CELA2A: variants seen among roughly 807,000 people sequenced by gnomAD.
CELA2A encodes chymotrypsin-like elastase family member 2A.
In CELA2A, 31 loss-of-function variants were observed where a neutral mutation model predicts 35.3. The observed-to-expected ratio is 0.88, with a 90% confidence interval of 0.66 to 1.19. The LOEUF is 1.19. CELA2A is among the 50% of genes most tolerant of loss of function. The pLI is 0.00. For missense variants in CELA2A, 330 were observed against 352.9 expected, an observed-to-expected ratio of 0.94 and a Z score of 0.52; for synonymous variants, 150 against 149.8, an observed-to-expected ratio of 1.00 and a Z score of -0.01.
chr1:15,457,149 C>T lies in CELA2A; in HGVS notation c.104C>T (p.Ala35Val), dbSNP rs147042451. Residue 35 changes from alanine to valine, a missense_variant, in exon 2 of 8, where the codon GCG becomes GTG. Physicochemically the swap from Ala to Val is moderately conservative, Grantham distance 64. Coordinates refer to ENST00000359621, the MANE Select transcript of CELA2A (RefSeq NM_033440.3). ...ACTAGGGTGGTTGGCGGTGAAGAAG[C>T]GAGGCCCAACAGCTGGCCCTGGCAG... is the stretch of plus-strand genomic sequence containing the variant. ...YVTRVVGGEEARPNSWPWQVS... is the reference protein window; with the variant it reads ...YVTRVVGGEEVRPNSWPWQVS... 44 of 1,614,154 alleles carry T rather than the reference C, an allele frequency of 2.7e-5. No homozygotes were observed. In the East Asian group the frequency reaches 3.1e-4, roughly 11 times the overall value.
chr1:15,463,470 C>T lies in CELA2A; in HGVS notation c.441C>T (p.Thr147=). Residue 147 remains threonine (T), a synonymous_variant, in exon 5 of 8, where the codon ACC becomes ACT. Transcript: ENST00000359621. ...IQLACLPPAG[T]ILPNNYPCYV... is the part of the protein sequence containing the mutation. ...TGGCCTGCCTCCCTCCTGCCGGCAC[C>T]ATTCTACCCAACAACTACCCCTGCT... The T allele has an allele frequency of 2.5e-6, 4 of 1,614,054 alleles. No individual in the cohort carries two copies. The highest frequency in any genetic ancestry group is 3.4e-6 in the Non-Finnish European group (4 of 1,179,960).
chr1:15,469,192 C>A (rs1708559870), intron 7 of CELA2A, among the ~76,000 whole-genome samples: 1 of 151,946 alleles, frequency 6.6e-6, no homozygotes, highest in Non-Finnish European at 1.5e-5. Context: ...GAAAAAAAAA[C>A]ACACAAAAAA....
intron 7 of CELA2A, among the ~76,000 whole-genome samples, chr1:15,470,239 G>T (rs913454491): frequency 6.6e-6 from 1 of 152,178 alleles, no homozygotes; most frequent in African/African-American, 2.4e-5. Flanking sequence ...CAGGGACACA[G>T]TGTGTGCAGC....
At chr1:15,463,750 T>C (rs1373095094) in intron 5 of CELA2A, among the ~76,000 whole-genome samples, 9 of 152,252 alleles carry the variant, frequency 5.9e-5, no homozygotes, top group Admixed American at 1.3e-4. Flanking sequence ...TTTTTTCATC[T>C]GTAAAATGCA....
intron 4 of CELA2A, chr1:15,463,097 C>G: frequency 1.4e-6 from 1 of 731,460 alleles, no homozygotes; most frequent in Non-Finnish European, 2.2e-6. Context: ...CCAGTTACAC[C>G]TGCAGGGCCC....
intron 5 of CELA2A, 110 bp from the exon 6 acceptor site, chr1:15,465,889 A>G: frequency 7.7e-7 from 1 of 1,297,600 alleles, no homozygotes; most frequent in Non-Finnish European, 1.1e-6. Context: ...GGCTGTTCGC[A>G]TGTTGCAATG....
At chr1:15,470,846 G>A (rs1343749285) in intron 7 of CELA2A, among the ~76,000 whole-genome samples, 4 of 152,150 alleles carry the variant, frequency 2.6e-5, no homozygotes, top group Non-Finnish European at 5.9e-5. Flanking sequence ...CTCCAAAAGT[G>A]CTGGGATTAC....
chr1:15,467,730 G>A (rs1472199379), intron 7 of CELA2A, among the ~76,000 whole-genome samples, 192 bp downstream of exon 7: 1 of 152,164 alleles, frequency 6.6e-6, no homozygotes, highest in African/African-American at 2.4e-5. Flanking sequence ...TGTGGATAAA[G>A]CTGAGTGAAA....
Position 15,461,633 on chromosome 1 carries a change from G to A in CELA2A, c.202G>A (p.Val68Ile). The A allele has an allele frequency of 3.1e-6, 5 of 1,613,594 alleles. No homozygotes were observed. The highest frequency in any genetic ancestry group is 3.6e-4 in the Middle Eastern group (2 of 5,532). The change falls in exon 3 of 8, where the codon GTC becomes ATC. Residue 68 changes from valine to isoleucine, a missense_variant. By Grantham distance (29) the Val-to-Ile change is conservative. Transcript: ENST00000359621. ...CGGSLIANSW[V>I]LTAAHCISSS... ...AGGGTCCCTGATAGCCAACAGCTGG[G>A]TCCTGACGGCTGCCCACTGCATCAG...
At chr1:15,458,782 G>A (rs1430517610) in intron 2 of CELA2A, among the ~76,000 whole-genome samples, 3 of 151,522 alleles carry the variant, frequency 2.0e-5, no homozygotes, top group South Asian at 4.2e-4. Context: ...GCATGGTGGC[G>A]GGCACCTGTA....
chr1:15,467,644 G>C, intron 7 of CELA2A, 106 bp downstream of exon 7: 1 of 1,406,686 alleles, frequency 7.1e-7, no homozygotes, highest in Admixed American at 2.0e-5. Flanking sequence ...CCTCTTGAGA[G>C]CTAGATGGGA....
Position 15,463,528 on chromosome 1 carries a change from T to G in CELA2A, c.493+6T>G. On this transcript the variant is annotated splice_donor_region_variant and intron_variant, in intron 5 of 7. Coordinates refer to ENST00000359621, the MANE Select transcript of CELA2A (RefSeq NM_033440.3). Reference sequence around the variant, plus strand: ...GGGCTGGGGAAGGCTGCAGAGTAAGTGGGAGCCAGGAGCCCCCAGGCCTGG... The same window carrying G: ...GGGCTGGGGAAGGCTGCAGAGTAAGGGGGAGCCAGGAGCCCCCAGGCCTGG... The G allele has an allele frequency of 6.2e-7, 1 of 1,613,174 alleles. No homozygotes were observed. The highest frequency in any genetic ancestry group is 8.5e-7 in the Non-Finnish European group (1 of 1,179,388).
intron 2 of CELA2A, among the ~76,000 whole-genome samples, chr1:15,460,409 A>G (rs937341508): frequency 2.0e-5 from 3 of 152,168 alleles, no homozygotes; most frequent in African/African-American, 7.2e-5. Flanking sequence ...GAAATGCCAA[A>G]TGGCTAATTA....
At chr1:15,465,415 A>C (rs1253890280) in intron 5 of CELA2A, among the ~76,000 whole-genome samples, 4 of 152,114 alleles carry the variant, frequency 2.6e-5, no homozygotes, top group African/African-American at 9.7e-5. Context: ...TGGCTGTGTC[A>C]TTGGGGGCCA....
rs1287612537 is a variant in CELA2A at position 15,472,038 on chromosome 1, T to A, written c.*31T>A. 1 of 1,613,726 alleles carries A rather than the reference T, an allele frequency of 6.2e-7. No homozygotes were observed. Among genetic ancestry groups the A allele is most frequent in the Admixed American group, 1.7e-5 (1 of 60,014 alleles). ...AGAAGTCCCTGGGACTGTTTCAGAC[T>A]TGGAAAGGTCACAGAAGGAAAATAA... On this transcript the variant is annotated 3_prime_UTR_variant, in exon 8 of 8. Transcript: ENST00000359621.
At chr1:15,463,356 T>A (rs1295903101) in intron 4 of CELA2A, 30 bp from the exon 5 acceptor site, 1 of 1,612,628 alleles carries the variant, frequency 6.2e-7, no homozygotes, top group South Asian at 1.1e-5. Flanking sequence ...GTCAACCCGG[T>A]CCTCATGCTT....
intron 7 of CELA2A, among the ~76,000 whole-genome samples, chr1:15,471,639 T>C (rs1708595201): frequency 6.6e-6 from 1 of 152,008 alleles, no homozygotes; most frequent in Admixed American, 6.5e-5. Context: ...CCACAGTGCA[T>C]AACTGCCTTG....
chr1:15,459,380 T>A lies in CELA2A; in HGVS notation c.130-2181T>A, dbSNP rs943222259. On this transcript the variant is annotated intron_variant, in intron 2 of 7. Transcript: ENST00000359621. ...GGTCTCACTATGTTGCCCAGGCTGG[T>A]CTTGAACTTCTGGGCTCAAGTGATC... Among the ~76,000 whole-genome samples, 17 of 150,566 alleles carry A rather than the reference T, an allele frequency of 1.1e-4. 1 individual carries two copies. Among genetic ancestry groups the A allele is most frequent in the Non-Finnish European group, 2.2e-4 (15 of 67,648 alleles).
In CELA2A at chr1:15,462,735, C is replaced by T. The variant is rs771232071; in HGVS notation, c.230C>T (p.Ser77Phe). 4 of 1,614,028 alleles carry T rather than the reference C, an allele frequency of 2.5e-6. No homozygotes were observed. The South Asian group carries it at 4.4e-5, about 18-fold the overall frequency. ...TCCCTGGGCCCCCTTTCTCCCAGCTCCTCCAGGACCTACCGCGTGGGGCTG... is the reference window on the plus strand; with the variant it reads ...TCCCTGGGCCCCCTTTCTCCCAGCTTCTCCAGGACCTACCGCGTGGGGCTG... ...WVLTAAHCIS[S>F]SRTYRVGLGR... The change falls in exon 4 of 8, where the codon TCC becomes TTC. Residue 77 changes from serine (S) to phenylalanine (F), a missense_variant and splice_region_variant. Transcript: ENST00000359621.
Sources: allele counts gnomAD v4.1 joint callset (sites outside exome capture counted in the v4.1 genomes callset), GRCh38; gene constraint gnomAD v4.1.1; transcripts MANE v1.5; gene names NCBI Gene and HGNC (gene_info 2026-07-23, HGNC 2026-07-21).